Variants in CUX1 observed in about 807,000 individuals in gnomAD.
CUX1 encodes the protein cut like homeobox 1, also known as protein CASP.
Under a neutral mutation model 158.8 loss-of-function variants are expected in CUX1, and 31 were observed. The ratio of observed to expected loss-of-function variants is 0.20; its 90% CI spans 0.15 to 0.26. The LOEUF is 0.26. CUX1 is among the 10% of genes least tolerant of loss of function. The probability of loss-of-function intolerance (pLI) is 1.00; values close to 1 mark genes in which losing one functional copy is unlikely to be tolerated. For missense variants in CUX1, 1,589 were observed against 2,014.6 expected, an observed-to-expected ratio of 0.79 and a Z score of 4.04; for synonymous variants, 879 against 862.1, an observed-to-expected ratio of 1.02 and a Z score of -0.34.
At chr7:101,867,801 C>T (rs2131416372) in intron 1 of CUX1, among the ~76,000 whole-genome samples, 1 of 152,170 alleles carries the variant, frequency 6.6e-6, no homozygotes, top group South Asian at 2.1e-4. Context: ...CAAATCAACT[C>T]AAAGTCCAAA....
intron 8 of CUX1, among the ~76,000 whole-genome samples, chr7:102,140,419 G>A (rs1554499859): frequency 2.0e-5 from 3 of 151,930 alleles, no homozygotes; most frequent in African/African-American, 7.2e-5. Context: ...CCAGTTTTTT[G>A]TATTTTAGTA....
At chr7:101,927,263 A>G (rs961015148) in intron 2 of CUX1, among the ~76,000 whole-genome samples, 1 of 152,152 alleles carries the variant, frequency 6.6e-6, no homozygotes, top group Non-Finnish European at 1.5e-5. Context: ...TCTTCCATGT[A>G]AAGCCCTGAT....
intron 1 of CUX1, among the ~76,000 whole-genome samples, chr7:101,911,109 G>C (rs2129075466): frequency 6.6e-6 from 1 of 152,418 alleles, no homozygotes; most frequent in African/African-American, 2.4e-5. Flanking sequence ...TCTGAGCTGA[G>C]ACAGCAGCAG....
intron 8 of CUX1, chr7:102,153,568 G>A (rs948805329): frequency 6.6e-6 from 1 of 152,310 alleles, no homozygotes; most frequent in Non-Finnish European, 1.5e-5. Flanking sequence ...CAGCAGGGAG[G>A]AGTCATCGGC....
At chr7:102,191,004 C>T (rs1238724010) in intron 12 of CUX1, among the ~76,000 whole-genome samples, 6 of 152,180 alleles carry the variant, frequency 3.9e-5, no homozygotes, top group African/African-American at 1.4e-4. Context: ...AAGAAAAGCT[C>T]CTCGGGCATC....
chr7:102,050,292 T>C (rs1054803230), intron 3 of CUX1, among the ~76,000 whole-genome samples: 2 of 152,218 alleles, frequency 1.3e-5, no homozygotes, highest in African/African-American at 4.8e-5. Flanking sequence ...TTAAAGATGA[T>C]GGCATAAAAG....
At chr7:102,222,117 C>T (rs1274377335) in intron 20 of CUX1, among the ~76,000 whole-genome samples, 1 of 151,928 alleles carries the variant, frequency 6.6e-6, no homozygotes, top group Non-Finnish European at 1.5e-5. Context: ...AAAAATTAGC[C>T]AGGCGTGGTG....
rs1179933799 is a variant in CUX1, at chr7:101,842,905, C to T, written c.30+25236C>T. Among the ~76,000 whole-genome samples the T allele has an allele frequency of 2.9e-3, 370 of 129,134 alleles. 2 individuals carry two copies. Among genetic ancestry groups the T allele is most frequent in the African/African-American group, 0.01 (339 of 33,602 alleles). The allele number at this position is 129,134 out of a possible 152,430, so 84.7% of individuals were successfully genotyped here. ...TTTTTTTTTTTGAGACAGAGTCTCT[C>T]TCTGTCGCCCAGGCTGGAGTGCAGT... On this transcript the variant is annotated intron_variant, in intron 1 of 23. Coordinates refer to ENST00000292535, the MANE Select transcript of CUX1 (RefSeq NM_181552.4).
intron 3 of CUX1, among the ~76,000 whole-genome samples, chr7:102,064,592 G>T (rs763515688): frequency 6.6e-6 from 1 of 152,216 alleles, no homozygotes; most frequent in Non-Finnish European, 1.5e-5. Flanking sequence ...GCGGGTGTGT[G>T]GGGGGCATGA....
intron 4 of CUX1, among the ~76,000 whole-genome samples, chr7:102,086,246 CTT>C (rs201405420): frequency 0.058 from 8,053 of 138,236 alleles, 716 homozygotes; most frequent in African/African-American, 0.2. Flanking sequence ...TGATTTTTCT[CTT>C]TTTTTTTTTT....
chr7:102,200,842 C>T (rs1188938240), intron 17 of CUX1, among the ~76,000 whole-genome samples: 1 of 151,550 alleles, frequency 6.6e-6, no homozygotes, highest in African/African-American at 2.4e-5. Flanking sequence ...CCAGCCTATG[C>T]AACACAGTGA....
Position 102,254,185 on chromosome 7 carries a change from G to C in CUX1, c.*5143G>C. 4 of 985,590 alleles carry C rather than the reference G, an allele frequency of 4.1e-6. No homozygotes were observed. Among genetic ancestry groups the C allele is most frequent in the Non-Finnish European group, 4.8e-6 (4 of 830,094 alleles). The allele number at this position is 985,590 out of a possible 1,614,324, so 61.1% of individuals were successfully genotyped here. ...CCAGCAGCTGTTTCTTTTGCAGGCA[G>C]GGCGTGGTCTCGGGGCTCCGAGGGT... On this transcript the variant is annotated 3_prime_UTR_variant, in exon 24 of 24. Transcript: ENST00000292535.
rs543824175 is a variant in CUX1 at position 102,245,988 on chromosome 7, T to A, written c.3888-2424T>A. On this transcript the variant is annotated intron_variant, in intron 23 of 23. Coordinates refer to ENST00000292535, the MANE Select transcript of CUX1 (RefSeq NM_181552.4). ...CTCCCTTCTCAAAAAAAAAAAAAAA[T>A]GAAAAATGAAATTTTCTTATTTCTC... 1.0e-4 allele frequency among the ~76,000 whole-genome samples: 15 copies of A among 148,874 alleles called. No individual in the cohort carries two copies. In the East Asian group the frequency reaches 1.6e-3, roughly 16 times the overall value.
rs1287733566 is a variant in CUX1 at position 101,903,044 on chromosome 7, T to G, written c.31-13071T>G. Among the ~76,000 whole-genome samples, 4 of 152,220 alleles carry G rather than the reference T, an allele frequency of 2.6e-5. No individual in the cohort carries two copies. In the East Asian group the frequency reaches 5.8e-4, roughly 22 times the overall value. On this transcript the variant is annotated intron_variant, in intron 1 of 23. Transcript: ENST00000292535. ...GGGGCCTGTTTCCCGGGCATTTGTT[T>G]CAGTGGTGAGTCACATTCATGCGAA...
At chr7:101,949,737 C>G (rs1808829851) in intron 2 of CUX1, among the ~76,000 whole-genome samples, 1 of 151,734 alleles carries the variant, frequency 6.6e-6, no homozygotes, top group African/African-American at 2.4e-5. Context: ...TGCCATGTTG[C>G]CCAGGCCAGT....
chr7:102,098,168 A>ACAG lies in CUX1; in HGVS notation c.406+680_406+682dup, dbSNP rs541965352. ...GAAGGAAAATCACAGCTCCCGTCTG[A>ACAG]CAGCAGCAGCAGCAGGCTTTTCAGC... On this transcript the variant is annotated intron_variant, in intron 5 of 23. Transcript: ENST00000292535. 1.6e-3 allele frequency among the ~76,000 whole-genome samples: 249 copies of ACAG among 152,308 alleles called. 1 individual carries two copies. The highest frequency in any genetic ancestry group is 2.8e-3 in the Non-Finnish European group (193 of 68,008).
chr7:102,205,247 C>T (rs1021737626), intron 20 of CUX1, 77 bp downstream of exon 20: 37 of 1,103,910 alleles, frequency 3.4e-5, no homozygotes, highest in East Asian at 2.8e-4. Flanking sequence ...TGGTCTGTCC[C>T]GGCGAGACTC....
chr7:102,119,718 T>C (rs1188411903), intron 8 of CUX1, among the ~76,000 whole-genome samples: 10 of 152,196 alleles, frequency 6.6e-5, no homozygotes, highest in Non-Finnish European at 1.3e-4. Context: ...TTTTCTTTTT[T>C]GAAATTTTTT....
At chr7:101,850,628 C>A (rs1186129262) in intron 1 of CUX1, among the ~76,000 whole-genome samples, 2 of 152,016 alleles carry the variant, frequency 1.3e-5, no homozygotes, top group African/African-American at 2.4e-5. Flanking sequence ...AATCCTCCCG[C>A]CTCCGCCTCC....
Sources: gnomAD v4.1 joint callset for allele counts (sites outside exome capture counted in the v4.1 genomes callset) on GRCh38, gnomAD v4.1.1 for gene constraint, MANE v1.5 for transcripts, NCBI Gene and HGNC (gene_info 2026-07-23, HGNC 2026-07-21) for gene names.